The following USP15 variants were observed in gnomAD, a reference collection of about 807,000 sequenced individuals.
The protein encoded by USP15 is ubiquitin specific peptidase 15.
A neutral mutation model predicts 127.1 loss-of-function variants in USP15; 18 were observed. The observed-to-expected ratio is 0.14, with a 90% CI of 0.10 to 0.21. The LOEUF is 0.21. USP15 is among the 10% of genes least tolerant of loss of function. USP15 has a pLI of 1.00. For synonymous variants in USP15, 364 were observed against 393.7 expected (o/e 0.92, Z 0.89); for missense variants, 805 against 1,159.9 (o/e 0.69, Z 4.44).
intron 1 of USP15, among the ~76,000 whole-genome samples, chr12:62,287,776 G>T (rs1246787608): frequency 6.6e-6 from 1 of 152,056 alleles, no homozygotes; most frequent in Non-Finnish European, 1.5e-5. Context: ...TATATAGTGA[G>T]AAGTAGGGGC....
At chr12:62,394,741 C>T (rs1290446131) in intron 19 of USP15, among the ~76,000 whole-genome samples, 6 of 151,440 alleles carry the variant, frequency 4.0e-5, no homozygotes, top group Non-Finnish European at 8.8e-5. Context: ...CCCAGCTACT[C>T]GGGAGGCTAA....
intron 8 of USP15, among the ~76,000 whole-genome samples, chr12:62,365,040 T>A (rs1372343703): frequency 6.6e-6 from 1 of 152,154 alleles, no homozygotes; most frequent in Non-Finnish European, 1.5e-5. Context: ...GTCTTTTTAA[T>A]CAAATAATTT....
Position 62,415,917 on chromosome 12 carries a change from T to C in USP15, c.*11542T>C, listed in dbSNP as rs1256802682. On this transcript the variant is annotated 3_prime_UTR_variant, in exon 22 of 22. Transcript: ENST00000280377. The stretch of plus-strand genomic sequence containing the variant: ...AGTACCCAACTATGGGAATGATTGT[T>C]CCTTCCTTATGAATGAGAGCAGCTC... The C allele has an allele frequency of 7.2e-5, 11 of 152,192 alleles. No homozygotes were observed. 9.4% of individuals were successfully genotyped at this position (152,192 alleles called of 1,614,324 possible). A position where few individuals can be genotyped will look rare whatever the true frequency, so the allele number is the denominator to read the frequency against.
At chr12:62,361,188 G>T (rs529811365) in intron 8 of USP15, among the ~76,000 whole-genome samples, 1 of 152,082 alleles carries the variant, frequency 6.6e-6, no homozygotes, top group South Asian at 2.1e-4. Flanking sequence ...GGGAAAAATG[G>T]TATCTCTAAA....
chr12:62,326,819 G>A (rs1186978276), intron 6 of USP15, among the ~76,000 whole-genome samples: 3 of 152,100 alleles, frequency 2.0e-5, no homozygotes, highest in African/African-American at 7.2e-5. Flanking sequence ...AAAAAAATCT[G>A]CTACTTTATT....
At chr12:62,341,478 G>A (rs1302755379) in intron 6 of USP15, among the ~76,000 whole-genome samples, 2 of 152,058 alleles carry the variant, frequency 1.3e-5, no homozygotes, top group East Asian at 1.9e-4. Flanking sequence ...TAGTGTCATT[G>A]GTCATTATAT....
chr12:62,323,514 C>T (rs2065044135), intron 5 of USP15, among the ~76,000 whole-genome samples: 1 of 152,054 alleles, frequency 6.6e-6, no homozygotes. Context: ...AGAAATCTTA[C>T]AAAATCCAAT....
Position 62,377,597 on chromosome 12 carries a change from G to A in USP15, c.916-3893G>A, listed in dbSNP as rs184429131. On this transcript the variant is annotated intron_variant, in intron 8 of 21. Transcript: ENST00000280377. Reference sequence around the variant, plus strand: ...TAGCCAGGCATGGTGGCACGTGCCTGTAATCCCAGCTACTTGGGAGGCTGA... The same window carrying A: ...TAGCCAGGCATGGTGGCACGTGCCTATAATCCCAGCTACTTGGGAGGCTGA... 1.2e-4 allele frequency among the ~76,000 whole-genome samples: 19 copies of A among 152,028 alleles called. 1 individual carries two copies. The East Asian group carries it at 3.5e-3, about 28-fold the overall frequency.
chr12:62,367,238 T>TTTG (rs2066508348), intron 8 of USP15, among the ~76,000 whole-genome samples: 1 of 152,008 alleles, frequency 6.6e-6, no homozygotes, highest in African/African-American at 2.4e-5. Flanking sequence ...TTTGTTTGTT[T>TTTG]TTTGTTTTTT....
At chr12:62,271,495 A>C (rs1216307004) in intron 1 of USP15, among the ~76,000 whole-genome samples, 1 of 152,028 alleles carries the variant, frequency 6.6e-6, no homozygotes. Context: ...AATACTTTTA[A>C]AAAGCGAAGT....
At chr12:62,267,176 T>C (rs1362005803) in intron 1 of USP15, 5 of 152,186 alleles carry the variant, frequency 3.3e-5, no homozygotes, top group African/African-American at 1.2e-4. Context: ...CACTTACCAC[T>C]GTAATTCACA....
Position 62,404,744 on chromosome 12 carries a change from A to AAATTT in USP15, c.*369_*370insAATTT, listed in dbSNP as rs1253845085. ...TGGTCATTTATTTTGCTCTAATAAT[A>AAATTT]CTGCAAGAAAACTATGGCTGAACTT... On this transcript the variant is annotated 3_prime_UTR_variant, in exon 22 of 22. Transcript: ENST00000280377. 1 of 158,768 alleles carries AAATTT rather than the reference A, an allele frequency of 6.3e-6. No individual in the cohort carries two copies. The highest frequency in any genetic ancestry group is 1.4e-5 in the Non-Finnish European group (1 of 72,014). The allele number at this position is 158,768 out of a possible 1,614,324, so 9.8% of individuals were successfully genotyped here.
intron 20 of USP15, among the ~76,000 whole-genome samples, chr12:62,398,940 A>C (rs1399041242): frequency 6.6e-6 from 1 of 152,202 alleles, no homozygotes; most frequent in Non-Finnish European, 1.5e-5. Context: ...AATTATACTT[A>C]TGTTCATAAT....
In USP15 at chr12:62,283,931, G is replaced by C. The variant is rs570134595; in HGVS notation, c.90-10248G>C. Among the ~76,000 whole-genome samples, 29 of 152,206 alleles carry C rather than the reference G, an allele frequency of 1.9e-4. No individual in the cohort carries two copies. The East Asian group carries it at 5.4e-3, about 28-fold the overall frequency. ...CACTCCAGCCTGGGCAGCAGAGCGA[G>C]ACCCTATCTCCAAAAAACAAACAAC... is the stretch of plus-strand genomic sequence containing the variant. On this transcript the variant is annotated intron_variant, in intron 1 of 21. Coordinates refer to ENST00000280377, the MANE Select transcript of USP15 (RefSeq NM_001252078.2).
At chr12:62,346,120 A>G (rs1375015598) in intron 6 of USP15, among the ~76,000 whole-genome samples, 1 of 152,246 alleles carries the variant, frequency 6.6e-6, no homozygotes, top group Non-Finnish European at 1.5e-5. Context: ...TAGTTCATGC[A>G]GTTCAAATAA....
At chr12:62,354,977 A>T (rs2066074195) in intron 7 of USP15, 1 of 158,618 alleles carries the variant, frequency 6.3e-6, no homozygotes, top group Non-Finnish European at 1.4e-5. Flanking sequence ...AAAGGAGATG[A>T]TTTGTTGCTG....
chr12:62,300,610 T>C (rs1333599000), intron 2 of USP15, among the ~76,000 whole-genome samples: 1 of 152,148 alleles, frequency 6.6e-6, no homozygotes, highest in Admixed American at 6.5e-5. Flanking sequence ...TCTACACATA[T>C]ATAGTCATTC....
At chr12:62,288,180 C>T (rs901443078) in intron 1 of USP15, among the ~76,000 whole-genome samples, 11 of 151,828 alleles carry the variant, frequency 7.2e-5, no homozygotes, top group South Asian at 2.1e-4. Context: ...TTGCTTTGGG[C>T]GGGGAAGTAT....
In USP15 at chr12:62,392,318, C is replaced by G; in HGVS notation, c.2351C>G (p.Pro784Arg). ...ESVEYKPPKK[P>R]FVKLKDCIEL... ...GTGGAGTATAAACCTCCTAAAAAAC[C>G]CTTTGTGAAATTAAAAGATTGCATT... The change falls in exon 18 of 22, where the codon CCC becomes CGC. Residue 784 changes from proline (P) to arginine (R), a missense_variant. Coordinates refer to ENST00000280377, the MANE Select transcript of USP15 (RefSeq NM_001252078.2). 2 of 1,607,622 alleles carry G rather than the reference C, an allele frequency of 1.2e-6. No individual in the cohort carries two copies. Among genetic ancestry groups the G allele is most frequent in the Non-Finnish European group, 1.7e-6 (2 of 1,177,814 alleles).
Sources: gnomAD v4.1 joint callset for allele counts (sites outside exome capture counted in the v4.1 genomes callset) on GRCh38, gnomAD v4.1.1 for gene constraint, MANE v1.5 for transcripts, NCBI Gene and HGNC (gene_info 2026-07-23, HGNC 2026-07-21) for gene names.